SHANK2: variants seen among roughly 807,000 people sequenced by gnomAD.
The protein encoded by SHANK2 is SH3 and multiple ankyrin repeat domains protein 2.
SHANK2 carries 43 observed loss-of-function variants against 133.7 expected under a neutral mutation model. The ratio of observed to expected loss-of-function variants is 0.32; its 90% CI spans 0.25 to 0.41. SHANK2 has a LOEUF of 0.41. SHANK2 is among the 10% of genes least tolerant of loss of function. The probability of loss-of-function intolerance (pLI) is 1.00; values close to 1 mark genes in which losing one functional copy is unlikely to be tolerated. For missense variants in SHANK2, 1,994 were observed against 2,235.8 expected, an observed-to-expected ratio of 0.89 and a Z score of 2.18; for synonymous variants, 1,017 against 952.8, an observed-to-expected ratio of 1.07 and a Z score of -1.24.
intron 17 of SHANK2, among the ~76,000 whole-genome samples, chr11:70,511,651 T>C (rs115509544): frequency 0.032 from 4,841 of 152,204 alleles, 116 homozygotes; most frequent in South Asian, 0.089. Flanking sequence ...TGTTGAGAAA[T>C]CATGGATCCA....
rs566414505 is a variant in SHANK2, at chr11:70,837,689, T to C, written c.1175-17007A>G. 5.5e-4 allele frequency among the ~76,000 whole-genome samples: 83 copies of C among 152,226 alleles called. 1 individual carries two copies. The highest frequency in any genetic ancestry group is 1.8e-4 in the Non-Finnish European group (12 of 68,006). ...GCCCAGCCCCTCTCAAAGATGTGCG[T>C]TGAGGCCAGGCACGGTGGCTCATGC... On this transcript the variant is annotated intron_variant, in intron 11 of 25. Coordinates refer to ENST00000601538, the MANE Select transcript of SHANK2 (RefSeq NM_012309.5).
chr11:71,079,176 C>T (rs1951258856), intron 8 of SHANK2, among the ~76,000 whole-genome samples: 1 of 152,250 alleles, frequency 6.6e-6, no homozygotes, highest in Admixed American at 6.5e-5. Context: ...CTGCCAAATG[C>T]ATATGCTGGA....
intron 23 of SHANK2, 182 bp from the exon 24 acceptor site, chr11:70,489,530 C>T: frequency 1.5e-6 from 1 of 676,256 alleles, no homozygotes; most frequent in Non-Finnish European, 2.7e-6. Flanking sequence ...CGCTTTTGCA[C>T]AGCAGCCCAG....
rs544185311 is a variant in SHANK2, at chr11:70,854,604, G to A, written c.1175-33922C>T. Among the ~76,000 whole-genome samples, 7 of 152,370 alleles carry A rather than the reference G, an allele frequency of 4.6e-5. No homozygotes were observed. The South Asian group carries it at 1.4e-3, about 32-fold the overall frequency. ...TTTCCATCCAGGCACAGGCAAGGAA[G>A]GGCCTTCTGGGGAAGGAGATGCAGA... On this transcript the variant is annotated intron_variant, in intron 11 of 25. Transcript: ENST00000601538.
intron 9 of SHANK2, among the ~76,000 whole-genome samples, chr11:71,060,694 T>C (rs935393048): frequency 1.3e-5 from 2 of 152,142 alleles, no homozygotes; most frequent in South Asian, 2.1e-4. Flanking sequence ...AAAGGAGAGC[T>C]GGCAAAGCCA....
At chr11:70,886,965 A>G (rs1457504838) in intron 11 of SHANK2, among the ~76,000 whole-genome samples, 8 of 152,156 alleles carry the variant, frequency 5.3e-5, no homozygotes, top group Admixed American at 5.2e-4. Flanking sequence ...TATGAAAACA[A>G]ACCTTGTTCG....
chr11:71,158,056 G>T (rs1952936591), intron 2 of SHANK2, among the ~76,000 whole-genome samples: 1 of 152,148 alleles, frequency 6.6e-6, no homozygotes, highest in African/African-American at 2.4e-5. Flanking sequence ...GAATAGAAGA[G>T]AATTTCCCAA....
intron 2 of SHANK2, among the ~76,000 whole-genome samples, chr11:71,168,480 G>A (rs11232380): frequency 6.6e-6 from 1 of 151,928 alleles, no homozygotes. Flanking sequence ...AGGCTGCTGG[G>A]AGGTGAAGGT....
At chr11:70,550,862 T>C (rs1190314234) in intron 17 of SHANK2, among the ~76,000 whole-genome samples, 1 of 152,186 alleles carries the variant, frequency 6.6e-6, no homozygotes, top group African/African-American at 2.4e-5. Context: ...AGGGCCTCCA[T>C]GGAGCAGGTC....
Position 70,660,150 on chromosome 11 carries a change from A to G in SHANK2, c.1937-198T>C, listed in dbSNP as rs536440268. On this transcript the variant is annotated intron_variant, in intron 16 of 25. Transcript: ENST00000601538. Reference sequence around the variant, plus strand: ...TGATGCAACTCAAGCAATGAAGTCAATTGCACCTTGGGGCCGCCATCATAT... The same window carrying G: ...TGATGCAACTCAAGCAATGAAGTCAGTTGCACCTTGGGGCCGCCATCATAT... Among the ~76,000 whole-genome samples the G allele has an allele frequency of 3.3e-5, 5 of 152,288 alleles. No homozygotes were observed. In the East Asian group the frequency reaches 9.7e-4, roughly 29 times the overall value.
chr11:71,212,980 G>A (rs993086569), intron 2 of SHANK2, among the ~76,000 whole-genome samples: 8 of 151,564 alleles, frequency 5.3e-5, no homozygotes, highest in Non-Finnish European at 1.0e-4. Context: ...AGAGGAGCAG[G>A]GACCCCAGGG....
At chr11:70,642,061 G>T (rs939044215) in intron 17 of SHANK2, among the ~76,000 whole-genome samples, 2 of 152,228 alleles carry the variant, frequency 1.3e-5, no homozygotes, top group African/African-American at 4.8e-5. Context: ...GATGGGTAAG[G>T]TCAGAAGGAC....
At chr11:70,779,664 G>A (rs1190837315) in intron 14 of SHANK2, among the ~76,000 whole-genome samples, 1 of 152,142 alleles carries the variant, frequency 6.6e-6, no homozygotes, top group African/African-American at 2.4e-5. Context: ...CCTTGGGAGG[G>A]CATTCCTACT....
At chr11:70,862,369 C>T (rs1172386185) in intron 11 of SHANK2, among the ~76,000 whole-genome samples, 1 of 152,184 alleles carries the variant, frequency 6.6e-6, no homozygotes, top group Non-Finnish European at 1.5e-5. Flanking sequence ...GAATGTGGAG[C>T]CTGGCTGGGA....
intron 15 of SHANK2, among the ~76,000 whole-genome samples, chr11:70,687,694 TGCCG>T (rs1220265182): frequency 1.3e-5 from 2 of 152,194 alleles, no homozygotes; most frequent in Non-Finnish European, 2.9e-5. Flanking sequence ...CTCCTTTGCC[TGCCG>T]GCGGGGCTCA....
chr11:70,826,345 A>G (rs1948639647), intron 11 of SHANK2: 2 of 427,874 alleles, frequency 4.7e-6, no homozygotes, highest in East Asian at 1.4e-4. Context: ...ATCCCCTGAC[A>G]TGCTAGGGAT....
chr11:70,787,311 C>T (rs1405081867), intron 14 of SHANK2, among the ~76,000 whole-genome samples: 1 of 151,078 alleles, frequency 6.6e-6, no homozygotes, highest in East Asian at 2.0e-4. Flanking sequence ...AGCATCACCA[C>T]CATCATCACC....
rs184504104 is a variant in SHANK2 at position 71,102,672 on chromosome 11, C to T, written c.592+7269G>A. 1.4e-4 allele frequency among the ~76,000 whole-genome samples: 22 copies of T among 152,318 alleles called. No individual in the cohort carries two copies. The East Asian group carries it at 3.7e-3, about 25-fold the overall frequency. On this transcript the variant is annotated intron_variant, in intron 6 of 25. Transcript: ENST00000601538. Reference sequence around the variant, plus strand: ...AGTGGGAATGTGAACAGCTTGTCCCCGACCTGGGCCTGCCTGGGTCATCCA... The same window carrying T: ...AGTGGGAATGTGAACAGCTTGTCCCTGACCTGGGCCTGCCTGGGTCATCCA...
chr11:70,698,775 G>C lies in SHANK2; in HGVS notation c.1778-12C>G, dbSNP rs898467883. The C allele has an allele frequency of 5.6e-6, 4 of 718,478 alleles. No individual in the cohort carries two copies. In the African/African-American group the frequency reaches 7.0e-5, roughly 13 times the overall value. The allele number at this position is 718,478 out of a possible 1,614,324, so 44.5% of individuals were successfully genotyped here. ...GTCAGCGCGGGTTTCTGTACAGAGA[G>C]GGAAGAGAAACACCATTCAGAAAAG... On this transcript the variant is annotated splice_polypyrimidine_tract_variant and intron_variant, in intron 14 of 25. Transcript: ENST00000601538.
Sources: gnomAD v4.1 joint callset for allele counts (sites outside exome capture counted in the v4.1 genomes callset) on GRCh38, gnomAD v4.1.1 for gene constraint, MANE v1.5 for transcripts, NCBI Gene and HGNC (gene_info 2026-07-23, HGNC 2026-07-21) for gene names.